CDH18: variants seen among roughly 807,000 people sequenced by gnomAD.
The protein encoded by CDH18 is cadherin-18.
CDH18 carries 31 observed loss-of-function variants against 67.9 expected under a neutral mutation model. The ratio of observed to expected loss-of-function variants is 0.46; its 90% CI spans 0.34 to 0.62. The LOEUF (loss-of-function observed/expected upper bound fraction) is 0.62. CDH18 is among the 20% of genes least tolerant of loss of function. CDH18 has a pLI of 0.01. For missense variants in CDH18, 890 were observed against 975.5 expected (o/e 0.91, Z 1.17); for synonymous variants, 362 against 347.2 (o/e 1.04, Z -0.48).
At chr5:19,630,747 T>G (rs914091411) in intron 5 of CDH18, among the ~76,000 whole-genome samples, 5 of 152,266 alleles carry the variant, frequency 3.3e-5, no homozygotes, top group African/African-American at 1.2e-4. Context: ...GCAGACTGAA[T>G]AGAATGAACG....
intron 2 of CDH18, among the ~76,000 whole-genome samples, chr5:19,943,590 A>T (rs553030472): frequency 3.3e-5 from 5 of 152,286 alleles, no homozygotes; most frequent in Non-Finnish European, 5.9e-5. Flanking sequence ...AAATAAAAAC[A>T]AACAAGTTAA....
At chr5:19,836,327 C>G (rs1194195526) in intron 3 of CDH18, among the ~76,000 whole-genome samples, 1 of 152,122 alleles carries the variant, frequency 6.6e-6, no homozygotes, top group Admixed American at 6.5e-5. Flanking sequence ...TCTCCAGCAT[C>G]TGTTGTTTCC....
chr5:19,482,963 T>C (rs924734802), intron 12 of CDH18, among the ~76,000 whole-genome samples: 1 of 152,108 alleles, frequency 6.6e-6, no homozygotes, highest in East Asian at 1.9e-4. Context: ...TTGGTCAGAT[T>C]CATTTAGAAT....
intron 1 of CDH18, among the ~76,000 whole-genome samples, chr5:20,335,798 C>T (rs753853291): frequency 3.9e-4 from 59 of 152,034 alleles, no homozygotes; most frequent in Non-Finnish European, 1.6e-4. Flanking sequence ...ATGCACCAGG[C>T]AACTGAAAAG....
chr5:19,660,307 AC>A (rs2150309553), intron 5 of CDH18, among the ~76,000 whole-genome samples: 1 of 152,250 alleles, frequency 6.6e-6, no homozygotes, highest in Non-Finnish European at 1.5e-5. Flanking sequence ...AACTAAAACA[AC>A]TTTTTGCCTC....
chr5:20,412,635 A>G (rs774087397), intron 1 of CDH18, among the ~76,000 whole-genome samples: 1 of 152,148 alleles, frequency 6.6e-6, no homozygotes, highest in African/African-American at 2.4e-5. Context: ...AGAAGGAACT[A>G]AAACAAAACA....
intron 2 of CDH18, among the ~76,000 whole-genome samples, chr5:20,218,788 A>G (rs1246916302): frequency 6.6e-6 from 1 of 151,988 alleles, no homozygotes; most frequent in Non-Finnish European, 1.5e-5. Context: ...AGGCCTCCCC[A>G]GCCAAGTGGA....
intron 3 of CDH18, among the ~76,000 whole-genome samples, chr5:19,835,251 C>T (rs971352150): frequency 2.0e-5 from 3 of 152,000 alleles, no homozygotes; most frequent in Non-Finnish European, 4.4e-5. Context: ...AGCCATCATC[C>T]TCAGCAAACT....
chr5:20,514,382 G>T (rs56791839), intron 1 of CDH18, among the ~76,000 whole-genome samples: 3,059 of 152,164 alleles, frequency 0.02, 46 homozygotes, highest in African/African-American at 0.04. Context: ...TCTTGTATCA[G>T]GTTGCTGGTT....
At chr5:20,384,448 T>C (rs12697475) in intron 1 of CDH18, among the ~76,000 whole-genome samples, 28,346 of 152,116 alleles carry the variant, frequency 0.19, 2,907 homozygotes, top group African/African-American at 0.24. Context: ...TTGTATTCTG[T>C]TGGGCATATA....
At chr5:20,232,170 TA>T (rs763383056) in intron 2 of CDH18, among the ~76,000 whole-genome samples, 263 of 151,834 alleles carry the variant, frequency 1.7e-3, no homozygotes, top group Non-Finnish European at 3.1e-3. Flanking sequence ...GGTTTCTATT[TA>T]TTTTTTTTTT....
chr5:19,870,004 T>C (rs1390591371), intron 2 of CDH18, among the ~76,000 whole-genome samples: 3 of 152,144 alleles, frequency 2.0e-5, no homozygotes, highest in African/African-American at 7.2e-5. Flanking sequence ...TATAAAATGT[T>C]CTACCATTAA....
In CDH18 at chr5:19,747,175, G is replaced by A. The variant is rs2150733607; in HGVS notation, c.290C>T (p.Ala97Val). ...SVKYILTGEG[A>V]GTIFIIDDTT... ...ATCGTCAATGATAAATATAGTCCCA[G>A]CACCCTCTCCAGTAAGGATGTACTT... Residue 97 changes from alanine to valine, a missense_variant, in exon 4 of 13, where the codon GCT (alanine) becomes GTT (valine). Coordinates refer to ENST00000382275, the MANE Select transcript of CDH18 (RefSeq NM_004934.5). 4 of 1,613,914 alleles carry A rather than the reference G, an allele frequency of 2.5e-6. No individual in the cohort carries two copies. The highest frequency in any genetic ancestry group is 3.4e-6 in the Non-Finnish European group (4 of 1,179,820).
intron 2 of CDH18, among the ~76,000 whole-genome samples, chr5:19,840,274 C>CAAA (rs770658457): frequency 6.2e-5 from 3 of 48,656 alleles, no homozygotes; most frequent in Admixed American, 2.3e-4. Flanking sequence ...GACTCCGTCT[C>CAAA]AAAAAAAAAA....
At chr5:19,530,423 T>G (rs1048087683) in intron 9 of CDH18, among the ~76,000 whole-genome samples, 1 of 152,118 alleles carries the variant, frequency 6.6e-6, no homozygotes, top group African/African-American at 2.4e-5. Context: ...TAAATTGTAA[T>G]TTTCTTTTTT....
At chr5:20,447,288 T>C (rs1288999610) in intron 1 of CDH18, among the ~76,000 whole-genome samples, 2 of 152,110 alleles carry the variant, frequency 1.3e-5, no homozygotes, top group Non-Finnish European at 2.9e-5. Flanking sequence ...TGAAACTTAA[T>C]GGCCAATGTG....
intron 5 of CDH18, among the ~76,000 whole-genome samples, chr5:19,708,927 T>C (rs895762105): frequency 1.3e-5 from 2 of 152,052 alleles, no homozygotes; most frequent in African/African-American, 4.8e-5. Flanking sequence ...AGGGACTCCA[T>C]GACCGAGCTG....
rs1743100995 is a variant in CDH18, at chr5:19,500,784, T to C, written c.1630+2208A>G. On this transcript the variant is annotated intron_variant, in intron 11 of 12. Coordinates refer to ENST00000382275, the MANE Select transcript of CDH18 (RefSeq NM_004934.5). ...TTTTAGGGGAAAACCTATATATGAG[T>C]TCTGACACTAGTAATGTTGTCAAAT... 2.6e-5 allele frequency among the ~76,000 whole-genome samples: 4 copies of C among 152,070 alleles called. 1 individual carries two copies. The South Asian group carries it at 8.3e-4, about 31-fold the overall frequency.
intron 1 of CDH18, among the ~76,000 whole-genome samples, chr5:20,457,542 A>G (rs1316456692): frequency 6.6e-6 from 1 of 152,124 alleles, no homozygotes; most frequent in East Asian, 1.9e-4. Flanking sequence ...GTGGCTATAC[A>G]ACTGTGCTTT....
Sources: allele counts gnomAD v4.1 joint callset (sites outside exome capture counted in the v4.1 genomes callset), GRCh38; gene constraint gnomAD v4.1.1; transcripts MANE v1.5; gene names NCBI Gene and HGNC (gene_info 2026-07-23, HGNC 2026-07-21).